UBE2E2: variants seen among roughly 807,000 people sequenced by gnomAD.
The protein encoded by UBE2E2 is ubiquitin-conjugating enzyme E2 E2.
In UBE2E2, 6 loss-of-function variants were observed where a neutral mutation model predicts 24.7. That is an observed-to-expected ratio of 0.24 (90% CI 0.13 to 0.48). The LOEUF (loss-of-function observed/expected upper bound fraction) is 0.48. Ranked by LOEUF, UBE2E2 falls within the 20% of genes least tolerant of loss-of-function variation. The pLI is 0.99. For synonymous variants in UBE2E2, 104 were observed against 83.6 expected (o/e 1.24, Z -1.33); for missense variants, 169 against 245.0 (o/e 0.69, Z 2.07).
At chr3:23,382,698 A>G (rs1026030509) in intron 3 of UBE2E2, among the ~76,000 whole-genome samples, 1 of 152,186 alleles carries the variant, frequency 6.6e-6, no homozygotes, top group Non-Finnish European at 1.5e-5. Flanking sequence ...TGTGGACTCC[A>G]TTTTGTGTAG....
intron 3 of UBE2E2, among the ~76,000 whole-genome samples, chr3:23,359,661 A>G (rs1212905722): frequency 1.3e-5 from 2 of 152,078 alleles, no homozygotes; most frequent in Admixed American, 1.3e-4. Context: ...GGAAATTTCT[A>G]ATGATATGTC....
intron 4 of UBE2E2, among the ~76,000 whole-genome samples, chr3:23,504,914 T>TA (rs1694402799): frequency 7.6e-6 from 1 of 132,160 alleles, no homozygotes; most frequent in African/African-American, 3.0e-5. Flanking sequence ...CATTCTTTCT[T>TA]TTTTTTTTTT....
intron 4 of UBE2E2, among the ~76,000 whole-genome samples, chr3:23,528,532 T>TC (rs1695051244): frequency 2.0e-5 from 3 of 152,126 alleles, no homozygotes; most frequent in Admixed American, 2.0e-4. Context: ...CTTTCTTAAG[T>TC]CTCCGCCTTT....
At chr3:23,310,406 A>G (rs527737008) in intron 3 of UBE2E2, among the ~76,000 whole-genome samples, 28 of 151,952 alleles carry the variant, frequency 1.8e-4, no homozygotes, top group Non-Finnish European at 3.2e-4. Flanking sequence ...GACTAAACAC[A>G]TCTCCAAACC....
chr3:23,255,035 C>T (rs1420018050), intron 3 of UBE2E2, among the ~76,000 whole-genome samples: 2 of 147,950 alleles, frequency 1.4e-5, no homozygotes, highest in Non-Finnish European at 3.0e-5. Context: ...ATCTTAAGAA[C>T]AGTTCGTTGA....
At chr3:23,366,355 G>C (rs1239624971) in intron 3 of UBE2E2, among the ~76,000 whole-genome samples, 1 of 152,188 alleles carries the variant, frequency 6.6e-6, no homozygotes, top group Non-Finnish European at 1.5e-5. Context: ...AAAGACGCAT[G>C]TGTGTGCTCA....
chr3:23,307,948 A>G (rs1699280860), intron 3 of UBE2E2, among the ~76,000 whole-genome samples: 1 of 152,158 alleles, frequency 6.6e-6, no homozygotes, highest in Non-Finnish European at 1.5e-5. Context: ...ATATGCTTAA[A>G]TTTTGCACGC....
chr3:23,318,657 T>A (rs1211892065), intron 3 of UBE2E2, among the ~76,000 whole-genome samples: 1 of 152,100 alleles, frequency 6.6e-6, no homozygotes, highest in Non-Finnish European at 1.5e-5. Flanking sequence ...TATAAAAACA[T>A]CAGATCTGGT....
chr3:23,248,629 A>G (rs1477422176), intron 3 of UBE2E2, among the ~76,000 whole-genome samples: 1 of 152,254 alleles, frequency 6.6e-6, no homozygotes, highest in East Asian at 1.9e-4. Flanking sequence ...AGGAGAGAAC[A>G]TACTTGAGAA....
chr3:23,256,845 C>T (rs1466778877), intron 3 of UBE2E2, among the ~76,000 whole-genome samples: 1 of 152,176 alleles, frequency 6.6e-6, no homozygotes, highest in Non-Finnish European at 1.5e-5. Flanking sequence ...CTGTCCATTC[C>T]ATTTTCTTCT....
intron 3 of UBE2E2, among the ~76,000 whole-genome samples, chr3:23,446,989 A>G (rs994652850): frequency 5.3e-5 from 8 of 152,096 alleles, no homozygotes; most frequent in Non-Finnish European, 1.2e-4. Context: ...TCCATGCAAA[A>G]CAGTCCTTAC....
intron 3 of UBE2E2, among the ~76,000 whole-genome samples, chr3:23,266,105 G>C (rs1286826570): frequency 1.3e-5 from 2 of 152,158 alleles, no homozygotes; most frequent in Admixed American, 6.5e-5. Context: ...TATCCAATTT[G>C]CCAGTCTGTG....
intron 3 of UBE2E2, among the ~76,000 whole-genome samples, chr3:23,410,876 G>T (rs947452837): frequency 6.6e-6 from 1 of 152,164 alleles, no homozygotes; most frequent in African/African-American, 2.4e-5. Flanking sequence ...CATGGGAGAA[G>T]ATGACAGAAA....
intron 3 of UBE2E2, among the ~76,000 whole-genome samples, chr3:23,431,119 C>T (rs966900051): frequency 6.6e-6 from 1 of 152,100 alleles, no homozygotes; most frequent in Admixed American, 6.5e-5. Context: ...GGTATCTTCA[C>T]TGGGAACTGG....
intron 3 of UBE2E2, among the ~76,000 whole-genome samples, chr3:23,257,512 G>GCACCCC (rs1697763356): frequency 3.2e-5 from 1 of 31,148 alleles, no homozygotes; most frequent in East Asian, 1.2e-3. Flanking sequence ...TGTTTCCCGT[G>GCACCCC]CCCCCCCCCC....
At chr3:23,399,199 CAAGTT>C (rs1378570955) in intron 3 of UBE2E2, among the ~76,000 whole-genome samples, 3 of 152,136 alleles carry the variant, frequency 2.0e-5, no homozygotes, top group Non-Finnish European at 4.4e-5. Flanking sequence ...CTTTCCTGTT[CAAGTT>C]AAGAACGTTT....
chr3:23,294,417 A>C (rs1698851485), intron 3 of UBE2E2, among the ~76,000 whole-genome samples: 1 of 152,014 alleles, frequency 6.6e-6, no homozygotes, highest in African/African-American at 2.4e-5. Flanking sequence ...CCTGATTTCC[A>C]GTTGGTGTGA....
intron 5 of UBE2E2, among the ~76,000 whole-genome samples, chr3:23,535,868 G>A (rs959301322): frequency 2.6e-5 from 4 of 152,006 alleles, no homozygotes; most frequent in African/African-American, 4.8e-5. Flanking sequence ...TGATCCGCCC[G>A]CCTCGGCCTC....
intron 3 of UBE2E2, among the ~76,000 whole-genome samples, chr3:23,470,706 A>G (rs1453137462): frequency 6.6e-6 from 1 of 152,234 alleles, no homozygotes; most frequent in Non-Finnish European, 1.5e-5. Context: ...TAAATGGGAG[A>G]AAAGTAAAGC....
Sources: gnomAD v4.1 joint callset for allele counts (sites outside exome capture counted in the v4.1 genomes callset) on GRCh38, gnomAD v4.1.1 for gene constraint, MANE v1.5 for transcripts, NCBI Gene and HGNC (gene_info 2026-07-23, HGNC 2026-07-21) for gene names.